The following EDC4 variants were observed in gnomAD, a reference collection of about 807,000 sequenced individuals.
EDC4 encodes enhancer of mRNA-decapping protein 4.
Under a neutral mutation model 155.8 loss-of-function variants are expected in EDC4, and 64 were observed. The ratio of observed to expected loss-of-function variants is 0.41; its 90% CI spans 0.34 to 0.51. The LOEUF (loss-of-function observed/expected upper bound fraction) is 0.51. EDC4 is among the 20% of genes least tolerant of loss of function. The probability of loss-of-function intolerance (pLI) is 0.19; values close to 1 mark genes in which losing one functional copy is unlikely to be tolerated. For missense variants in EDC4, 1,303 were observed against 1,812.5 expected (o/e 0.72, Z 5.10); for synonymous variants, 684 against 716.8 (o/e 0.95, Z 0.73).
In EDC4 at chr16:67,880,408, C is replaced by A. The variant is rs1049747438; in HGVS notation, c.2098-149C>A. Reference sequence around the variant, plus strand: ...CTCAGCCTCCCTGTCCCCACCTCCTCTTCTTGGCTGTGGCCTCGTTTTTGA... The same window carrying A: ...CTCAGCCTCCCTGTCCCCACCTCCTATTCTTGGCTGTGGCCTCGTTTTTGA... On this transcript the variant is annotated intron_variant, in intron 17 of 28. Coordinates refer to ENST00000358933, the MANE Select transcript of EDC4 (RefSeq NM_014329.5). The surrounding 1 kb of genome is among the most constrained non-coding windows in gnomAD (Gnocchi z 5.2). 1 of 1,357,824 alleles carries A rather than the reference C, an allele frequency of 7.4e-7. No individual in the cohort carries two copies. Among genetic ancestry groups the A allele is most frequent in the Non-Finnish European group, 1.0e-6 (1 of 996,306 alleles). The allele number at this position is 1,357,824 out of a possible 1,614,324, so 84.1% of individuals were successfully genotyped here.
chr16:67,878,381 T>A lies in EDC4; in HGVS notation c.1026T>A (p.Pro342=), dbSNP rs543936130. Residue 342 remains proline, a synonymous_variant, in exon 9 of 29, where the codon CCT becomes CCA. Coordinates refer to ENST00000358933, the MANE Select transcript of EDC4 (RefSeq NM_014329.5). The surrounding 1 kb of genome is among the most constrained non-coding windows in gnomAD (Gnocchi z 5.2). ...DEPRCLHEWK[P]HDGRPLSCLL... ...GCAGGTGTCTGCACGAGTGGAAACC[T>A]CATGATGGGCGGCCCCTCTCCTGCC... is the stretch of plus-strand genomic sequence containing the variant. 7.4e-6 allele frequency: 12 copies of A among 1,614,176 alleles called. No individual in the cohort carries two copies. Among genetic ancestry groups the A allele is most frequent in the Non-Finnish European group, 1.0e-5 (12 of 1,180,034 alleles).
Position 67,879,755 on chromosome 16 carries a change from C to T in EDC4, c.1802C>T (p.Pro601Leu), listed in dbSNP as rs2058056986. The T allele has an allele frequency of 3.7e-6, 6 of 1,614,146 alleles. No homozygotes were observed. Among genetic ancestry groups the T allele is most frequent in the Non-Finnish European group, 5.1e-6 (6 of 1,180,008 alleles). ...KLMTPDAFMT[P>L]SASLQQITAS... ...ATGACACCTGACGCCTTCATGACAC[C>T]TAGCGCCTCCTTGCAGCAGGTACTC... Residue 601 changes from proline (P) to leucine (L), a missense_variant, in exon 15 of 29, where the codon CCT (proline) becomes CTT (leucine). Pro to Leu is a moderately conservative substitution (Grantham distance 98, BLOSUM62 -3). Transcript: ENST00000358933. The surrounding 1 kb of genome is among the most constrained non-coding windows in gnomAD (Gnocchi z 6.0).
At position 67,879,439 on chromosome 16, in the gene EDC4, C is replaced by T. The variant is rs1269656692; in HGVS notation, c.1569C>T (p.Phe523=). 2 of 1,614,100 alleles carry T rather than the reference C, an allele frequency of 1.2e-6. No homozygotes were observed. The highest frequency in any genetic ancestry group is 1.7e-6 in the Non-Finnish European group (2 of 1,180,044). The change falls in exon 14 of 29, where the codon TTC becomes TTT. Residue 523 remains phenylalanine, a synonymous_variant. Transcript: ENST00000358933. This position sits in a 1 kb window ranked among gnomAD's most constrained non-coding sequence, Gnocchi z 6.0. ...TKALQDVQIR[F]QPQLNPDVVA... ...CACTGCAAGATGTGCAGATCCGCTT[C>T]CAGCCACAGCTGAACCCTGATGTGG...
In EDC4 at chr16:67,876,297, A is replaced by T. The variant is rs2058040984; in HGVS notation, c.240-191A>T. On this transcript the variant is annotated intron_variant, in intron 2 of 28. Transcript: ENST00000358933. The surrounding 1 kb of genome is among the most constrained non-coding windows in gnomAD (Gnocchi z 5.8). ...GGTTTGGCCTGGATACCTGGTTTAG[A>T]ATGAAAGTAGGCTCATTCCCAAGGA... is the stretch of plus-strand genomic sequence containing the variant. Among the ~76,000 whole-genome samples the T allele has an allele frequency of 6.6e-6, 1 of 152,094 alleles. No individual in the cohort carries two copies.
chr16:67,884,291 G>A lies in EDC4; in HGVS notation c.*143G>A. The A allele has an allele frequency of 2.6e-6, 2 of 783,756 alleles. No homozygotes were observed. Among genetic ancestry groups the A allele is most frequent in the South Asian group, 1.9e-5 (1 of 52,404 alleles). 48.6% of individuals were successfully genotyped at this position (783,756 alleles called of 1,614,324 possible). A position where few individuals can be genotyped will look rare whatever the true frequency, so the allele number is the denominator to read the frequency against. ...GGGGGTCAGGGAGCAGGGAGCACTGGCCGTGGTCTACAGCGTGTGGTAGTC... is the reference window on the plus strand; with the variant it reads ...GGGGGTCAGGGAGCAGGGAGCACTGACCGTGGTCTACAGCGTGTGGTAGTC... On this transcript the variant is annotated 3_prime_UTR_variant, in exon 29 of 29. Coordinates refer to ENST00000358933, the MANE Select transcript of EDC4 (RefSeq NM_014329.5). The surrounding 1 kb of genome is among the most constrained non-coding windows in gnomAD (Gnocchi z 4.1).
At position 67,878,126 on chromosome 16, in the gene EDC4, TCTCAC is replaced by T. The variant is rs957650977; in HGVS notation, c.895-36_895-32del. On this transcript the variant is annotated intron_variant, in intron 7 of 28. Coordinates refer to ENST00000358933, the MANE Select transcript of EDC4 (RefSeq NM_014329.5). This position sits in a 1 kb window ranked among gnomAD's most constrained non-coding sequence, Gnocchi z 5.2. ...CCATCCTCACTTGGGAGGGGCTTGTTCTCACCTCTAGTCAGCAAAGCTTTTTGGGT... is the reference window on the plus strand; with the variant it reads ...CCATCCTCACTTGGGAGGGGCTTGTTCTCTAGTCAGCAAAGCTTTTTGGGT... The T allele has an allele frequency of 2.7e-5, 43 of 1,613,156 alleles. No individual in the cohort carries two copies. The Admixed American group carries it at 6.8e-4, about 26-fold the overall frequency.
At chr16:67,873,393 G>A in intron 1 of EDC4, 50 bp downstream of exon 1, 1 of 1,372,278 alleles carries the variant, frequency 7.3e-7, no homozygotes. Flanking sequence ...CAAAAGGGCG[G>A]CGCGCGTCTG....
At position 67,876,130 on chromosome 16, in the gene EDC4, T is replaced by A. The variant is rs370643178; in HGVS notation, c.239+29T>A. On this transcript the variant is annotated intron_variant, in intron 2 of 28. Transcript: ENST00000358933. The surrounding 1 kb of genome is among the most constrained non-coding windows in gnomAD (Gnocchi z 5.8). ...AGTACCTAGGAGACGACAATAGTGG[T>A]GATGGTGTATTTGGGGTGTCTGCTA... 6 of 1,607,046 alleles carry A rather than the reference T, an allele frequency of 3.7e-6. No homozygotes were observed. Among genetic ancestry groups the A allele is most frequent in the Non-Finnish European group, 5.1e-6 (6 of 1,174,762 alleles).
Position 67,877,807 on chromosome 16 carries a change from A to G in EDC4, c.856A>G (p.Ile286Val). ...HSTWPVDVSQ[I>V]KQGFIVVKGH... is the part of the protein sequence containing the mutation. ...TACCTGGCCTGTGGATGTTAGCCAG[A>G]TCAAGCAGGGCTTCATTGTGGTAAA... Residue 286 changes from isoleucine (I) to valine (V), a missense_variant, in exon 7 of 29, where the codon ATC becomes GTC. Ile to Val is a conservative substitution (Grantham distance 29). Around this residue, in one of 5 missense-constraint regions of EDC4, gnomAD observed 235 missense variants for 367.7 expected, o/e 0.64. Transcript: ENST00000358933. The surrounding 1 kb of genome is among the most constrained non-coding windows in gnomAD (Gnocchi z 4.9). 6.2e-7 allele frequency: 1 copy of G among 1,614,156 alleles called. No individual in the cohort carries two copies.
In EDC4 at chr16:67,877,803, C is replaced by T. The variant is rs777158469; in HGVS notation, c.852C>T (p.Ser284=). The stretch of plus-strand genomic sequence containing the variant: ...ACAGTACCTGGCCTGTGGATGTTAG[C>T]CAGATCAAGCAGGGCTTCATTGTGG... ...SSHSTWPVDV[S]QIKQGFIVVK... The change falls in exon 7 of 29, where the codon AGC becomes AGT. Residue 284 remains serine (S), a synonymous_variant. Transcript: ENST00000358933. This position sits in a 1 kb window ranked among gnomAD's most constrained non-coding sequence, Gnocchi z 4.9. 1 of 1,614,170 alleles carries T rather than the reference C, an allele frequency of 6.2e-7. No homozygotes were observed. Among genetic ancestry groups the T allele is most frequent in the East Asian group, 2.2e-5 (1 of 44,878 alleles).
In EDC4 at chr16:67,877,230, C is replaced by G. The variant is rs770537462; in HGVS notation, c.465C>G (p.Gly155=). 6.2e-7 allele frequency: 1 copy of G among 1,613,028 alleles called. No homozygotes were observed. The highest frequency in any genetic ancestry group is 1.7e-5 in the Admixed American group (1 of 59,912). The stretch of plus-strand genomic sequence containing the variant: ...TCCTGATTCCAGCTGCCAACAATGG[C>G]TCTGCCATGGTGCGGGTGATCAGCG... ...LAYAIRAANN[G]SAMVRVISVS... The change falls in exon 5 of 29, where the codon GGC becomes GGG. Residue 155 remains glycine, a synonymous_variant. Coordinates refer to ENST00000358933, the MANE Select transcript of EDC4 (RefSeq NM_014329.5). The surrounding 1 kb of genome is among the most constrained non-coding windows in gnomAD (Gnocchi z 4.9).
Position 67,881,937 on chromosome 16 carries a change from C to T in EDC4, c.3005-17C>T. On this transcript the variant is annotated splice_polypyrimidine_tract_variant and intron_variant, in intron 22 of 28. Coordinates refer to ENST00000358933, the MANE Select transcript of EDC4 (RefSeq NM_014329.5). This position sits in a 1 kb window ranked among gnomAD's most constrained non-coding sequence, Gnocchi z 5.4. ...GTACACGACCTGCTCCAGGCCCGTT[C>T]CTTAGCTATGGCGCAGAGCGGCGGC... The T allele has an allele frequency of 3.7e-6, 6 of 1,604,416 alleles. No homozygotes were observed. The highest frequency in any genetic ancestry group is 1.7e-4 in the Middle Eastern group (1 of 6,012).
At position 67,882,087 on chromosome 16, in the gene EDC4, G is replaced by C. The variant is rs199835802; in HGVS notation, c.3138G>C (p.Glu1046Asp). Residue 1046 changes from glutamate to aspartate, a missense_variant, in exon 23 of 29, where the codon GAG (glutamate) becomes GAC (aspartate). Glu to Asp is a conservative substitution (Grantham distance 45, BLOSUM62 2). Transcript: ENST00000358933. This position sits in a 1 kb window ranked among gnomAD's most constrained non-coding sequence, Gnocchi z 7.2. ...AGRLERSIRD[E>D]IKKTVPPCVS... ...GGCTAGAGCGCAGCATACGGGATGA[G>C]ATCAAGAAGACAGTCCCTCCATGTG... 1.2e-6 allele frequency: 2 copies of C among 1,613,804 alleles called. No individual in the cohort carries two copies.
Position 67,880,622 on chromosome 16 carries a change from A to G in EDC4, c.2163A>G (p.Gln721=), listed in dbSNP as rs1287532493. 1.9e-6 allele frequency: 3 copies of G among 1,613,964 alleles called. No homozygotes were observed. The highest frequency in any genetic ancestry group is 1.3e-5 in the African/African-American group (1 of 74,910). The change falls in exon 18 of 29, where the codon CAA becomes CAG. Residue 721 remains glutamine (Q), a synonymous_variant. Coordinates refer to ENST00000358933, the MANE Select transcript of EDC4 (RefSeq NM_014329.5). The surrounding 1 kb of genome is among the most constrained non-coding windows in gnomAD (Gnocchi z 5.2). The part of the protein sequence containing the change: ...LQEVEPLGLP[Q]ASPSRTRSPD... The stretch of plus-strand genomic sequence containing the variant: ...AAGTGGAGCCCCTGGGGCTACCCCA[A>G]GCCTCCCCTAGCCGCACTCGTTCCC...
chr16:67,878,773 C>T lies in EDC4; in HGVS notation c.1221C>T (p.Pro407=), dbSNP rs1053644656. 6.2e-7 allele frequency: 1 copy of T among 1,614,080 alleles called. No individual in the cohort carries two copies. The highest frequency in any genetic ancestry group is 1.7e-5 in the Admixed American group (1 of 60,002). The change falls in exon 11 of 29, where the codon CCC becomes CCT. Residue 407 remains proline, a synonymous_variant. Coordinates refer to ENST00000358933, the MANE Select transcript of EDC4 (RefSeq NM_014329.5). This position sits in a 1 kb window ranked among gnomAD's most constrained non-coding sequence, Gnocchi z 5.2. ...SPDIFSSVSV[P]PSLKVCLDLS... is the part of the protein sequence containing the mutation. ...ATATCTTCAGCTCAGTGAGTGTGCC[C>T]CCTAGCCTCAAGGTTTGCTTGGACC... is the stretch of plus-strand genomic sequence containing the variant.
chr16:67,879,815 A>C lies in EDC4; in HGVS notation c.1822-35A>C. The stretch of plus-strand genomic sequence containing the variant: ...AGGGGGACCTGGGAATGCCTCAGCC[A>C]CAGGCCACAGGTCTTATTTCCTGCA... On this transcript the variant is annotated intron_variant, in intron 15 of 28. Coordinates refer to ENST00000358933, the MANE Select transcript of EDC4 (RefSeq NM_014329.5). This position sits in a 1 kb window ranked among gnomAD's most constrained non-coding sequence, Gnocchi z 6.0. The C allele has an allele frequency of 6.2e-7, 1 of 1,613,158 alleles. No homozygotes were observed. The highest frequency in any genetic ancestry group is 1.1e-5 in the South Asian group (1 of 91,066).
Position 67,875,966 on chromosome 16 carries a change from G to C in EDC4, c.104G>C (p.Arg35Pro), listed in dbSNP as rs374399401. Residue 35 changes from arginine (R) to proline (P), a missense_variant, in exon 2 of 29, where the codon CGG becomes CCG. This residue lies in a region of EDC4 where 99 missense variants were observed against 121.3 expected (regional missense o/e 0.82). Coordinates refer to ENST00000358933, the MANE Select transcript of EDC4 (RefSeq NM_014329.5). ...PAGGPSAESP[R>P]PSSAYNGDLN... is the part of the protein sequence containing the mutation. ...CCAGGCCCCAGTGCAGAGAGCCCAC[G>C]GCCATCCAGTGCCTACAATGGGGAC... 1 of 1,613,892 alleles carries C rather than the reference G, an allele frequency of 6.2e-7. No homozygotes were observed. Among genetic ancestry groups the C allele is most frequent in the Non-Finnish European group, 8.5e-7 (1 of 1,179,992 alleles).
At chr16:67,875,784 T>G in intron 1 of EDC4, 161 bp from the exon 2 acceptor site, 1 of 1,449,428 alleles carries the variant, frequency 6.9e-7, no homozygotes. Flanking sequence ...CATCAGTGTT[T>G]ATGGAACGAG....
rs2058062071 is a variant in EDC4, at chr16:67,880,456, G to C, written c.2098-101G>C. On this transcript the variant is annotated intron_variant, in intron 17 of 28. Transcript: ENST00000358933. This position sits in a 1 kb window ranked among gnomAD's most constrained non-coding sequence, Gnocchi z 5.2. ...TGACCTGTATCCCCACTTCCCTGCT[G>C]CCCTGTCTCTCATTACTGCTAATAC... 2 of 1,478,890 alleles carry C rather than the reference G, an allele frequency of 1.4e-6. No individual in the cohort carries two copies. Among genetic ancestry groups the C allele is most frequent in the African/African-American group, 2.8e-5 (2 of 72,030 alleles). The allele number at this position is 1,478,890 out of a possible 1,614,324, so 91.6% of individuals were successfully genotyped here.
Sources: gnomAD v4.1 joint callset for allele counts (sites outside exome capture counted in the v4.1 genomes callset) on GRCh38, gnomAD v4.1.1 for gene constraint, gnomAD v4.1.1 regional missense constraint, Gnocchi (gnomAD v3.1) non-coding constraint, MANE v1.5 for transcripts, NCBI Gene and HGNC (gene_info 2026-07-23, HGNC 2026-07-21) for gene names.